Variants in CACNA1C observed in about 807,000 individuals in gnomAD.
CACNA1C encodes calcium voltage-gated channel subunit alpha1 C, also known as voltage-dependent L-type calcium channel subunit alpha-1C.
A neutral mutation model predicts 229.0 loss-of-function variants in CACNA1C; 30 were observed. The observed-to-expected ratio is 0.13, with a 90% confidence interval of 0.10 to 0.18. The LOEUF is 0.18. CACNA1C is among the 10% of genes least tolerant of loss of function. The probability of loss-of-function intolerance (pLI) is 1.00; values close to 1 mark genes in which losing one functional copy is unlikely to be tolerated. For synonymous variants in CACNA1C, 1,114 were observed against 1,132.5 expected (o/e 0.98, Z 0.33); for missense variants, 1,658 against 2,845.0 (o/e 0.58, Z 9.49).
chr12:2,417,742 G>A (rs2098928517), intron 3 of CACNA1C, among the ~76,000 whole-genome samples: 1 of 152,102 alleles, frequency 6.6e-6, no homozygotes, highest in Non-Finnish European at 1.5e-5. Context: ...CTTGAGAAGT[G>A]AGTGATGTGA....
chr12:2,220,056 C>A (rs2061047807), intron 3 of CACNA1C, among the ~76,000 whole-genome samples: 1 of 152,188 alleles, frequency 6.6e-6, no homozygotes, highest in Non-Finnish European at 1.5e-5. Flanking sequence ...CATCCTGCAT[C>A]CAGAATCAGC....
Position 2,678,000 on chromosome 12 carries a change from T to G in CACNA1C, c.5091+133T>G. On this transcript the variant is annotated intron_variant, in intron 41 of 46. Transcript: ENST00000399655. This position sits in a 1 kb window ranked among gnomAD's most constrained non-coding sequence, Gnocchi z 7.4. The stretch of plus-strand genomic sequence containing the variant: ...GAAAGGGCTACTTCCAGGCTCTTCC[T>G]GATGAGCTGTCTCCTCACCCCTTTG... 9.6e-7 allele frequency: 1 copy of G among 1,039,146 alleles called. No homozygotes were observed. The highest frequency in any genetic ancestry group is 1.4e-6 in the Non-Finnish European group (1 of 705,118). The allele number at this position is 1,039,146 out of a possible 1,614,324, so 64.4% of individuals were successfully genotyped here.
intron 45 of CACNA1C, among the ~76,000 whole-genome samples, chr12:2,686,737 T>C (rs1044862192): frequency 2.6e-5 from 4 of 152,206 alleles, no homozygotes; most frequent in Non-Finnish European, 5.9e-5. Flanking sequence ...GAGTAGGGAA[T>C]GACATCCGTG....
chr12:2,518,139 G>A (rs1053361202), intron 9 of CACNA1C, among the ~76,000 whole-genome samples: 3 of 152,224 alleles, frequency 2.0e-5, no homozygotes, highest in African/African-American at 7.2e-5. Flanking sequence ...CGTGCCTGCT[G>A]CCTGCCCAAC....
chr12:2,444,986 C>T (rs980028013), intron 3 of CACNA1C, among the ~76,000 whole-genome samples: 3 of 152,190 alleles, frequency 2.0e-5, no homozygotes, highest in Admixed American at 6.5e-5. Flanking sequence ...TCCAAGCATC[C>T]AGGCATAGCC....
chr12:2,120,858 G>A lies in CACNA1C; in HGVS notation c.477+428G>A, dbSNP rs560244454. On this transcript the variant is annotated intron_variant, in intron 3 of 46. Coordinates refer to ENST00000399655, the MANE Select transcript of CACNA1C (RefSeq NM_000719.7). ...CAGGTGATCTGGAGTGTTGCTGCAC[G>A]ATAAATAATTTCTAGGAAGCTTTTA... 1.8e-4 allele frequency among the ~76,000 whole-genome samples: 27 copies of A among 152,194 alleles called. 1 individual carries two copies. The Middle Eastern group carries it at 0.01, about 58-fold the overall frequency.
At chr12:2,184,988 G>A (rs1237236759) in intron 3 of CACNA1C, among the ~76,000 whole-genome samples, 2 of 152,162 alleles carry the variant, frequency 1.3e-5, no homozygotes, top group Admixed American at 1.3e-4. Flanking sequence ...ATTTTTGGGG[G>A]GACAGGCCCT....
chr12:2,413,365 T>C (rs1260115907), intron 3 of CACNA1C, among the ~76,000 whole-genome samples: 1 of 152,198 alleles, frequency 6.6e-6, no homozygotes, highest in East Asian at 1.9e-4. Context: ...AGCAATTTGA[T>C]AAAGCGTGAA....
At chr12:2,146,706 C>G (rs945454445) in intron 3 of CACNA1C, among the ~76,000 whole-genome samples, 2 of 151,248 alleles carry the variant, frequency 1.3e-5, no homozygotes, top group Non-Finnish European at 3.0e-5. Context: ...CTCTCAGTAC[C>G]CCATTCTGTT....
At position 2,605,598 on chromosome 12, in the gene CACNA1C, C is replaced by T. The variant is rs1467076921; in HGVS notation, c.3049-81C>T. The T allele has an allele frequency of 6.1e-6, 6 of 990,604 alleles. No homozygotes were observed. Among genetic ancestry groups the T allele is most frequent in the Admixed American group, 1.8e-5 (1 of 54,512 alleles). The allele number at this position is 990,604 out of a possible 1,614,324, so 61.4% of individuals were successfully genotyped here. A position where few individuals can be genotyped will look rare whatever the true frequency, so the allele number is the denominator to read the frequency against. On this transcript the variant is annotated intron_variant, in intron 23 of 46. Transcript: ENST00000399655. This position sits in a 1 kb window ranked among gnomAD's most constrained non-coding sequence, Gnocchi z 6.2. ...CCCAATTACTCCCCGTTGTGGCAAACGGGCTGCCCCTGCTACCTCCTGGAA... is the reference window on the plus strand; with the variant it reads ...CCCAATTACTCCCCGTTGTGGCAAATGGGCTGCCCCTGCTACCTCCTGGAA...
intron 3 of CACNA1C, among the ~76,000 whole-genome samples, chr12:2,155,702 G>C (rs1241121572): frequency 6.6e-6 from 1 of 152,200 alleles, no homozygotes; most frequent in Non-Finnish European, 1.5e-5. Flanking sequence ...CAATTCAAAT[G>C]AGGGTGTCTC....
At chr12:2,155,821 C>T (rs925882209) in intron 3 of CACNA1C, among the ~76,000 whole-genome samples, 3 of 152,148 alleles carry the variant, frequency 2.0e-5, no homozygotes, top group Non-Finnish European at 2.9e-5. Context: ...TCATGTTTTC[C>T]AGGGTTTAAT....
intron 4 of CACNA1C, among the ~76,000 whole-genome samples, chr12:2,450,464 G>C (rs1186440753): frequency 7.1e-6 from 1 of 141,276 alleles, no homozygotes; most frequent in African/African-American, 2.6e-5. Flanking sequence ...TGAGGCAGGA[G>C]AATGGCGTGA....
intron 20 of CACNA1C, among the ~76,000 whole-genome samples, chr12:2,596,686 G>T (rs1484451255): frequency 5.9e-5 from 9 of 152,124 alleles, no homozygotes; most frequent in Admixed American, 5.9e-4. Context: ...TAAGTATGCA[G>T]TCCTGGAGCC....
At chr12:2,320,463 G>A (rs769109832) in intron 3 of CACNA1C, among the ~76,000 whole-genome samples, 1 of 152,214 alleles carries the variant, frequency 6.6e-6, no homozygotes, top group Non-Finnish European at 1.5e-5. Context: ...ATATACACAA[G>A]TCATTAAATA....
chr12:2,216,982 T>C (rs1033037203), intron 3 of CACNA1C, among the ~76,000 whole-genome samples: 1 of 152,220 alleles, frequency 6.6e-6, no homozygotes, highest in Non-Finnish European at 1.5e-5. Context: ...TTATTTGTAA[T>C]GGCCAAAAAG....
chr12:2,427,261 C>T (rs187518470), intron 3 of CACNA1C, among the ~76,000 whole-genome samples: 5 of 152,214 alleles, frequency 3.3e-5, no homozygotes, highest in Admixed American at 1.3e-4. Flanking sequence ...ATGCCAGGGA[C>T]GGGGATGGGG....
chr12:2,553,246 C>T (rs1291184576), intron 10 of CACNA1C, among the ~76,000 whole-genome samples: 1 of 152,182 alleles, frequency 6.6e-6, no homozygotes, highest in Admixed American at 6.5e-5. Flanking sequence ...GGGGCGGAAA[C>T]CACCTGCAGC....
At chr12:2,076,019 G>A (rs1448163195) in intron 1 of CACNA1C, among the ~76,000 whole-genome samples, 4 of 152,182 alleles carry the variant, frequency 2.6e-5, no homozygotes, top group Non-Finnish European at 5.9e-5. Context: ...TTGACACATG[G>A]CTCTTTCCCA....
Sources: gnomAD v4.1 joint callset for allele counts (sites outside exome capture counted in the v4.1 genomes callset) on GRCh38, gnomAD v4.1.1 for gene constraint, Gnocchi (gnomAD v3.1) non-coding constraint, MANE v1.5 for transcripts, NCBI Gene and HGNC (gene_info 2026-07-23, HGNC 2026-07-21) for gene names.